Variants in PHF24 observed in about 807,000 individuals in gnomAD.
The protein encoded by PHF24 is PHD finger protein 24, also known as Galpha inhibitory interacting protein.
PHF24 carries 25 observed loss-of-function variants against 42.6 expected under a neutral mutation model. The ratio of observed to expected loss-of-function variants is 0.59; its 90% CI spans 0.43 to 0.82. The LOEUF (loss-of-function observed/expected upper bound fraction) is 0.82, where lower values mean the gene tolerates loss of function less well. Ranked by LOEUF, PHF24 falls within the 40% of genes least tolerant of loss-of-function variation. The probability of loss-of-function intolerance (pLI) is 0.00; values close to 1 mark genes in which losing one functional copy is unlikely to be tolerated. For missense variants in PHF24, 470 were observed against 538.1 expected, an observed-to-expected ratio of 0.87 and a Z score of 1.25; for synonymous variants, 185 against 204.8, an observed-to-expected ratio of 0.90 and a Z score of 0.83.
intron 1 of PHF24, among the ~76,000 whole-genome samples, chr9:34,959,725 T>G (rs1587457579): frequency 6.6e-6 from 1 of 152,192 alleles, no homozygotes; most frequent in African/African-American, 2.4e-5. Context: ...TTGGGGTGGC[T>G]CTGGACCTAA....
At chr9:34,752,580 GCGTC>G in the PHF24 span, among the ~76,000 whole-genome samples, 2 of 152,120 alleles carry the variant, frequency 1.3e-5, no homozygotes, top group Non-Finnish European at 2.9e-5. Context: ...GGACCTGATA[GCGTC>G]ACTGCTGAAT....
the PHF24 span, among the ~76,000 whole-genome samples, chr9:34,759,612 G>A: frequency 3.3e-5 from 5 of 152,110 alleles, no homozygotes; most frequent in African/African-American, 1.2e-4. Context: ...AAACAGCTCC[G>A]GCTCCCTGCA....
At chr9:34,953,915 A>G (rs1204912078), upstream of PHF24, among the ~76,000 whole-genome samples, 2 of 152,136 alleles carry the variant, frequency 1.3e-5, no homozygotes, top group African/African-American at 4.8e-5. This position sits in a 1 kb window ranked among gnomAD's most constrained non-coding sequence, Gnocchi z 4.1. Context: ...CAGCCTGGAC[A>G]ACAGAGCAAG....
At chr9:34,748,945 A>G in the PHF24 span, among the ~76,000 whole-genome samples, 57 of 152,294 alleles carry the variant, frequency 3.7e-4, no homozygotes, top group African/African-American at 1.3e-3. Context: ...AGGAAACTCA[A>G]ATAAATTCAA....
the PHF24 span, chr9:34,892,725 G>A: frequency 3.2e-5 from 15 of 465,402 alleles, no homozygotes; most frequent in African/African-American, 2.8e-4. Context: ...GGAATTCCAG[G>A]CTTCTCAAAG....
chr9:34,853,875 C>G, the PHF24 span, among the ~76,000 whole-genome samples: 1 of 151,160 alleles, frequency 6.6e-6, no homozygotes, highest in East Asian at 1.9e-4. Context: ...CTTTGTACCT[C>G]TGGTAGGATT....
chr9:34,934,945 A>C, the PHF24 span, among the ~76,000 whole-genome samples: 5 of 152,076 alleles, frequency 3.3e-5, no homozygotes, highest in Admixed American at 3.3e-4. Flanking sequence ...GAAGCAATTT[A>C]CTCTCTGACC....
the PHF24 span, chr9:34,895,581 G>A: frequency 2.0e-4 from 78 of 398,686 alleles, no homozygotes; most frequent in East Asian, 2.0e-3. Context: ...TTCCCTACCC[G>A]GCAACAGCTC....
At chr9:34,688,096 G>A in the PHF24 span, among the ~76,000 whole-genome samples, 6,790 of 152,256 alleles carry the variant, frequency 0.045, 237 homozygotes, top group South Asian at 0.068. Flanking sequence ...TGGGAGCAGA[G>A]GAGAGGAAGA....
At chr9:34,966,868 C>T (rs1826789944) in intron 1 of PHF24, among the ~76,000 whole-genome samples, 1 of 151,988 alleles carries the variant, frequency 6.6e-6, no homozygotes, top group South Asian at 2.1e-4. Flanking sequence ...TGCCCAATTT[C>T]TTTCCATCTT....
At chr9:34,747,014 T>C in the PHF24 span, among the ~76,000 whole-genome samples, 14 of 152,336 alleles carry the variant, frequency 9.2e-5, no homozygotes, top group African/African-American at 3.4e-4. Flanking sequence ...CAAGATCTTT[T>C]ATTTATCAAA....
chr9:34,723,368 C>A, the PHF24 span: 1 of 1,551,522 alleles, frequency 6.4e-7, no homozygotes, highest in Non-Finnish European at 8.7e-7. Context: ...GGATTGGGGA[C>A]CATCCAAGAA....
At chr9:34,942,261 A>G in the PHF24 span, among the ~76,000 whole-genome samples, 1 of 152,186 alleles carries the variant, frequency 6.6e-6, no homozygotes, top group Non-Finnish European at 1.5e-5. Flanking sequence ...GGACAGAGCA[A>G]TGTTCCTAGG....
chr9:34,811,330 C>G, the PHF24 span, among the ~76,000 whole-genome samples: 1 of 152,112 alleles, frequency 6.6e-6, no homozygotes, highest in Non-Finnish European at 1.5e-5. Context: ...TCAATGCAAC[C>G]GTGTTGAGAG....
At chr9:34,809,612 G>A in the PHF24 span, among the ~76,000 whole-genome samples, 3 of 152,200 alleles carry the variant, frequency 2.0e-5, no homozygotes, top group East Asian at 5.8e-4. This position sits in a 1 kb window ranked among gnomAD's most constrained non-coding sequence, Gnocchi z 4.1. Flanking sequence ...AGCGTCGTGA[G>A]CCTGGAGGCC....
chr9:34,956,641 C>G (rs1022494460), upstream of PHF24, among the ~76,000 whole-genome samples: 23 of 152,224 alleles, frequency 1.5e-4, no homozygotes, highest in Non-Finnish European at 2.4e-4. Context: ...ATAAGCCCAT[C>G]AGACAGCCTA....
the PHF24 span, chr9:34,833,521 C>T: frequency 1.3e-6 from 2 of 1,551,528 alleles, no homozygotes; most frequent in Admixed American, 2.0e-5. Flanking sequence ...CAAGAGACTT[C>T]TGTGTGGATA....
the PHF24 span, among the ~76,000 whole-genome samples, chr9:34,828,686 T>G: frequency 2.0e-5 from 3 of 152,182 alleles, no homozygotes; most frequent in African/African-American, 7.2e-5. Context: ...AGTTGGCAAC[T>G]GGTTATGCAG....
the PHF24 span, chr9:34,834,834 G>T: frequency 1.6e-5 from 24 of 1,537,218 alleles, 2 homozygotes; most frequent in Non-Finnish European, 2.1e-5. Context: ...GGGGAAGAGG[G>T]TGGGGCTGAC....
Sources: allele counts gnomAD v4.1 joint callset (sites outside exome capture counted in the v4.1 genomes callset), GRCh38; gene constraint gnomAD v4.1.1; non-coding constraint Gnocchi (gnomAD v3.1); transcripts MANE v1.5; gene names NCBI Gene and HGNC (gene_info 2026-07-23, HGNC 2026-07-21).